Variants in SLC25A26 observed in about 807,000 individuals in gnomAD.
SLC25A26 encodes mitochondrial S-adenosylmethionine carrier protein.
SLC25A26 carries 36 observed loss-of-function variants against 37.8 expected under a neutral mutation model. The observed-to-expected ratio is 0.95, with a 90% CI of 0.73 to 1.26. SLC25A26 has a LOEUF of 1.26. Among genes scored for constraint, SLC25A26 ranks in the 50% most tolerant of loss-of-function variants. The pLI, the probability that SLC25A26 is intolerant of heterozygous loss-of-function variation, is 0.00. For missense variants in SLC25A26, 390 were observed against 331.1 expected (o/e 1.18, Z -1.38); for synonymous variants, 129 against 122.5 (o/e 1.05, Z -0.35).
At chr3:66,370,444 G>C (rs571283834) in intron 8 of SLC25A26, 85 bp from the exon 9 acceptor site, 1 of 1,063,056 alleles carries the variant, frequency 9.4e-7, no homozygotes, top group Admixed American at 1.9e-5. Flanking sequence ...GTGACGGGGA[G>C]CTGTGTGTCT....
intron 1 of SLC25A26, among the ~76,000 whole-genome samples, chr3:66,208,599 C>G (rs1321641729): frequency 6.8e-6 from 1 of 147,486 alleles, no homozygotes; most frequent in Non-Finnish European, 1.5e-5. Flanking sequence ...AATTTCTGCT[C>G]TAAACCTCAA....
At chr3:66,320,499 G>T (rs374697866) in intron 5 of SLC25A26, among the ~76,000 whole-genome samples, 1 of 152,146 alleles carries the variant, frequency 6.6e-6, no homozygotes, top group African/African-American at 2.4e-5. Context: ...ATGGTCACCC[G>T]GGTTGTTTCC....
At chr3:66,214,373 T>C (rs2071330564) in intron 1 of SLC25A26, among the ~76,000 whole-genome samples, 1 of 152,208 alleles carries the variant, frequency 6.6e-6, no homozygotes, top group Admixed American at 6.5e-5. Context: ...TAAACCTCTT[T>C]TCTTTATATG....
intron 1 of SLC25A26, among the ~76,000 whole-genome samples, chr3:66,141,632 C>A (rs2070036347): frequency 1.3e-5 from 2 of 152,056 alleles, no homozygotes; most frequent in Admixed American, 1.3e-4. Context: ...CCTACGTCAG[C>A]CACCCGAGTA....
At chr3:66,157,231 C>T (rs2070295910) in intron 1 of SLC25A26, among the ~76,000 whole-genome samples, 1 of 152,112 alleles carries the variant, frequency 6.6e-6, no homozygotes, top group Admixed American at 6.6e-5. Context: ...GAGACCCTGT[C>T]TCAAAAGAGA....
At chr3:66,318,040 C>T (rs532852546) in intron 5 of SLC25A26, among the ~76,000 whole-genome samples, 34 of 152,306 alleles carry the variant, frequency 2.2e-4, no homozygotes, top group Non-Finnish European at 4.9e-4. Flanking sequence ...TTGTCTTAGG[C>T]AGTCTCAAGT....
At position 66,369,512 on chromosome 3, in the gene SLC25A26, C is replaced by A; in HGVS notation, c.603C>A (p.Asp201Glu). ...GFAAAVTTPLDVAKTRITLAK... is the reference protein window; with the variant it reads ...GFAAAVTTPLEVAKTRITLAK... ...CCGCTGCAGTCACCACCCCTCTAGA[C>A]GTGGCAAAGACAAGAATTACGCTGG... is the stretch of plus-strand genomic sequence containing the variant. The change falls in exon 8 of 10, where the codon GAC (aspartate) becomes GAA (glutamate). Residue 201 changes from aspartate to glutamate, a missense_variant. Transcript: ENST00000354883. 6.2e-7 allele frequency: 1 copy of A among 1,604,498 alleles called. No homozygotes were observed. Among genetic ancestry groups the A allele is most frequent in the South Asian group, 1.1e-5 (1 of 88,512 alleles).
intron 1 of SLC25A26, among the ~76,000 whole-genome samples, chr3:66,224,193 C>G (rs1422450019): frequency 6.6e-6 from 1 of 152,178 alleles, no homozygotes; most frequent in Non-Finnish European, 1.5e-5. Context: ...TTGAAATACT[C>G]CAAAATAGCA....
chr3:66,334,577 A>G (rs2076052129), intron 5 of SLC25A26, among the ~76,000 whole-genome samples: 1 of 152,104 alleles, frequency 6.6e-6, no homozygotes, highest in African/African-American at 2.4e-5. Flanking sequence ...CAGCCTCCCA[A>G]AGTGCTAGGA....
At chr3:66,306,540 G>C (rs890113385) in intron 5 of SLC25A26, among the ~76,000 whole-genome samples, 1 of 151,956 alleles carries the variant, frequency 6.6e-6, no homozygotes, top group African/African-American at 2.4e-5. Flanking sequence ...TGCACAACGT[G>C]CAGGTTTGTT....
Position 66,171,039 on chromosome 3 carries a change from G to A in SLC25A26, c.-354+37055G>A, listed in dbSNP as rs1013281923. Among the ~76,000 whole-genome samples, 9 of 151,702 alleles carry A rather than the reference G, an allele frequency of 5.9e-5. No homozygotes were observed. The East Asian group carries it at 9.7e-4, about 16-fold the overall frequency. Reference sequence around the variant, plus strand: ...GGGATGGTCTCGATCTCCTGACCTCGTGATCCGCCCGCCTCGGCCTCCCAA... The same window carrying A: ...GGGATGGTCTCGATCTCCTGACCTCATGATCCGCCCGCCTCGGCCTCCCAA... On this transcript the variant is annotated intron_variant, in intron 1 of 10. Coordinates refer to the SLC25A26 transcript ENST00000676754.
rs115265737 is a variant in SLC25A26, at chr3:66,325,999, T to C, written c.454-20365T>C. Among the ~76,000 whole-genome samples, 698 of 152,030 alleles carry C rather than the reference T, an allele frequency of 4.6e-3. 11 individuals carry two copies. The highest frequency in any genetic ancestry group is 0.012 in the African/African-American group (503 of 41,462). On this transcript the variant is annotated intron_variant, in intron 5 of 9. Coordinates refer to ENST00000354883, the MANE Select transcript of SLC25A26 (RefSeq NM_001379210.1). Reference sequence around the variant, plus strand: ...GGACTAGGAGTACATTAGGGAGAAATAGATTGAAGAAATATTTAGGAGATC... The same window carrying C: ...GGACTAGGAGTACATTAGGGAGAAACAGATTGAAGAAATATTTAGGAGATC...
chr3:66,190,229 A>G (rs2106787045), intron 1 of SLC25A26, among the ~76,000 whole-genome samples: 1 of 151,846 alleles, frequency 6.6e-6, no homozygotes, highest in East Asian at 1.9e-4. Flanking sequence ...GTGGGAGGAT[A>G]GATTGAGCTT....
intron 5 of SLC25A26, among the ~76,000 whole-genome samples, chr3:66,283,896 C>T (rs2074425477): frequency 6.6e-6 from 1 of 152,124 alleles, no homozygotes. Context: ...TCTCCATTTT[C>T]TTTAATGTTT....
At position 66,224,412 on chromosome 3, in the gene SLC25A26, G is replaced by A. The variant is rs1453741873; in HGVS notation, c.33+3285G>A. Among the ~76,000 whole-genome samples, 10 of 152,258 alleles carry A rather than the reference G, an allele frequency of 6.6e-5. No individual in the cohort carries two copies. The East Asian group carries it at 1.4e-3, about 21-fold the overall frequency. Reference sequence around the variant, plus strand: ...CAGACAAGAGAGCATGTGCTGCAGGGGAACTCCCCTTTATAAAACCATCAG... The same window carrying A: ...CAGACAAGAGAGCATGTGCTGCAGGAGAACTCCCCTTTATAAAACCATCAG... On this transcript the variant is annotated intron_variant, in intron 1 of 9. Coordinates refer to ENST00000354883, the MANE Select transcript of SLC25A26 (RefSeq NM_001379210.1).
At chr3:66,345,083 G>A (rs946418174) in intron 5 of SLC25A26, among the ~76,000 whole-genome samples, 1 of 152,170 alleles carries the variant, frequency 6.6e-6, no homozygotes, top group Admixed American at 6.5e-5. Context: ...GATAGTTCTA[G>A]CCCTTACTGT....
At chr3:66,248,026 A>G (rs1182482777) in intron 3 of SLC25A26, among the ~76,000 whole-genome samples, 1 of 152,224 alleles carries the variant, frequency 6.6e-6, no homozygotes, top group Non-Finnish European at 1.5e-5. Flanking sequence ...TCTGTAACAC[A>G]TTTGCTTTGA....
intron 1 of SLC25A26, among the ~76,000 whole-genome samples, chr3:66,194,321 G>C (rs1240038453): frequency 6.6e-6 from 1 of 152,158 alleles, no homozygotes; most frequent in Non-Finnish European, 1.5e-5. Context: ...GGGTTGAAAG[G>C]GTTCAGGGGA....
chr3:66,327,356 C>A (rs1254705301), intron 5 of SLC25A26, among the ~76,000 whole-genome samples: 1 of 152,088 alleles, frequency 6.6e-6, no homozygotes, highest in South Asian at 2.1e-4. Context: ...TGGTTTGACT[C>A]CAGGATAAAA....
Sources: gnomAD v4.1 joint callset for allele counts (sites outside exome capture counted in the v4.1 genomes callset) on GRCh38, gnomAD v4.1.1 for gene constraint, MANE v1.5 for transcripts, NCBI Gene and HGNC (gene_info 2026-07-23, HGNC 2026-07-21) for gene names.